TMCO1: variants seen among roughly 807,000 people sequenced by gnomAD.
The protein encoded by TMCO1 is calcium load-activated calcium channel.
A neutral mutation model predicts 29.3 loss-of-function variants in TMCO1; 29 were observed. The ratio of observed to expected loss-of-function variants is 0.99; its 90% CI spans 0.74 to 1.35. The LOEUF is 1.35. Ranked by LOEUF, TMCO1 falls within the 40% of genes most tolerant of loss-of-function variation. TMCO1 has a pLI of 0.00. For synonymous variants in TMCO1, 80 were observed against 77.1 expected (o/e 1.04, Z -0.20); for missense variants, 173 against 225.5 (o/e 0.77, Z 1.49).
At chr1:165,726,040 GAT>G (rs1419489419), downstream of TMCO1, 7 of 689,146 alleles carry the variant, frequency 1.0e-5, no homozygotes, top group Middle Eastern at 7.4e-4. Context: ...GGGTATGAGT[GAT>G]AGAGTGTGCT....
At chr1:165,748,829 T>G (rs1487378458) in intron 5 of TMCO1, among the ~76,000 whole-genome samples, 1 of 152,216 alleles carries the variant, frequency 6.6e-6, no homozygotes, top group Non-Finnish European at 1.5e-5. Context: ...TAAAGAATCC[T>G]CTGTGCTCTG....
intron 1 of TMCO1, chr1:165,768,473 G>A: frequency 6.5e-7 from 1 of 1,540,974 alleles, no homozygotes; most frequent in East Asian, 2.4e-5. Flanking sequence ...ATACCCAAGT[G>A]AAATCTACCT....
At chr1:165,745,614 T>C (rs1436226284) in intron 5 of TMCO1, among the ~76,000 whole-genome samples, 1 of 151,866 alleles carries the variant, frequency 6.6e-6, no homozygotes, top group Admixed American at 6.6e-5. Flanking sequence ...ACCACTGCAC[T>C]CCAGCCTGGG....
chr1:165,763,544 A>G (rs1416875834), intron 2 of TMCO1, among the ~76,000 whole-genome samples: 12 of 152,208 alleles, frequency 7.9e-5, no homozygotes, highest in East Asian at 3.8e-4. Flanking sequence ...CCTCATACTT[A>G]CCTTCAAAGG....
chr1:165,728,512 TC>T (rs1482894114), intron 6 of TMCO1, among the ~76,000 whole-genome samples: 1 of 152,042 alleles, frequency 6.6e-6, no homozygotes, highest in African/African-American at 2.4e-5. Flanking sequence ...CACCTCGGCC[TC>T]CCAAAGTGCT....
chr1:165,736,591 G>T (rs1161794831), intron 6 of TMCO1, among the ~76,000 whole-genome samples: 2 of 152,100 alleles, frequency 1.3e-5, no homozygotes, highest in South Asian at 4.2e-4. Context: ...CATGGTAGCG[G>T]GTGCCTGTAA....
chr1:165,726,050 G>A (rs2101780364), downstream of TMCO1: 2 of 690,808 alleles, frequency 2.9e-6, no homozygotes, highest in East Asian at 5.4e-5. Flanking sequence ...GATAGAGTGT[G>A]CTATATATTC....
At chr1:165,728,617 C>T (rs1232435415) in intron 6 of TMCO1, among the ~76,000 whole-genome samples, 1 of 152,044 alleles carries the variant, frequency 6.6e-6, no homozygotes, top group South Asian at 2.1e-4. Flanking sequence ...CAGTAAAAGC[C>T]TTCCTTACCT....
intron 3 of TMCO1, 70 bp from the exon 4 acceptor site, chr1:165,754,344 A>G (rs1652113361): frequency 1.6e-6 from 2 of 1,258,254 alleles, no homozygotes; most frequent in South Asian, 2.4e-5. Context: ...ATAAACTGTC[A>G]CTGATTGGTG....
At chr1:165,738,443 A>G (rs1187801711) in intron 6 of TMCO1, among the ~76,000 whole-genome samples, 2 of 152,226 alleles carry the variant, frequency 1.3e-5, no homozygotes, top group Non-Finnish European at 2.9e-5. Context: ...CATAGAGTCA[A>G]TTCTTATGTA....
rs551954100 is a variant in TMCO1 at position 165,728,165 on chromosome 1, T to C, written c.469-44A>G. ...AAGGATTGGGTTTTAATATCAAATA[T>C]ACAGAAGATGTGTTTTATGTAGCTC... On this transcript the variant is annotated intron_variant, in intron 6 of 6. Transcript: ENST00000367881. The C allele has an allele frequency of 8.1e-6, 12 of 1,489,762 alleles. No homozygotes were observed. In the Admixed American group the frequency reaches 1.7e-4, roughly 21 times the overall value. 92.3% of individuals were successfully genotyped at this position (1,489,762 alleles called of 1,614,324 possible).
chr1:165,727,984 T>A lies in TMCO1; in HGVS notation c.*39A>T, dbSNP rs757302422. ...AACAGTTGCCAGTCTGATGTGTGTGTGTCTAGAAAGAATGATAGAAAATAA... is the reference window on the plus strand; with the variant it reads ...AACAGTTGCCAGTCTGATGTGTGTGAGTCTAGAAAGAATGATAGAAAATAA... On this transcript the variant is annotated 3_prime_UTR_variant, in exon 7 of 7. Coordinates refer to ENST00000367881, the MANE Select transcript of TMCO1 (RefSeq NM_019026.6). 1.4e-6 allele frequency: 2 copies of A among 1,477,366 alleles called. No individual in the cohort carries two copies. Among genetic ancestry groups the A allele is most frequent in the East Asian group, 4.8e-5 (2 of 41,544 alleles). 91.5% of individuals were successfully genotyped at this position (1,477,366 alleles called of 1,614,324 possible). A position where few individuals can be genotyped will look rare whatever the true frequency, so the allele number is the denominator to read the frequency against.
At chr1:165,763,261 A>G (rs1445843908) in intron 2 of TMCO1, among the ~76,000 whole-genome samples, 2 of 152,234 alleles carry the variant, frequency 1.3e-5, no homozygotes, top group Admixed American at 1.3e-4. Flanking sequence ...ATTTGTTCAA[A>G]GAGGAAATTT....
intron 2 of TMCO1, among the ~76,000 whole-genome samples, chr1:165,765,338 C>G (rs1652530567): frequency 6.6e-6 from 1 of 152,136 alleles, no homozygotes; most frequent in African/African-American, 2.4e-5. Flanking sequence ...AGCTGGAGTG[C>G]AGTGATGCAA....
At chr1:165,732,192 T>C (rs1235035755) in intron 6 of TMCO1, among the ~76,000 whole-genome samples, 1 of 152,076 alleles carries the variant, frequency 6.6e-6, no homozygotes. Flanking sequence ...TTCTACACAC[T>C]TTAAAGTTTG....
At position 165,757,082 on chromosome 1, in the gene TMCO1, G is replaced by A. The variant is rs867201059; in HGVS notation, c.208+2443C>T. Among the ~76,000 whole-genome samples the A allele has an allele frequency of 1.9e-4, 29 of 152,240 alleles. No individual in the cohort carries two copies. In the Middle Eastern group the frequency reaches 0.02, roughly 107 times the overall value. ...CCGATTCAAAGGAAAACAAAAATCA[G>A]TTCGAGCACAGTGTCCGTAAGATAA... On this transcript the variant is annotated intron_variant, in intron 3 of 6. Coordinates refer to ENST00000367881, the MANE Select transcript of TMCO1 (RefSeq NM_019026.6).
chr1:165,729,827 T>C (rs1651071068), intron 6 of TMCO1, among the ~76,000 whole-genome samples: 1 of 152,168 alleles, frequency 6.6e-6, no homozygotes, highest in Non-Finnish European at 1.5e-5. Context: ...CACAGTAGTT[T>C]CTGTGTTAAA....
chr1:165,736,081 G>A (rs1001089162), intron 6 of TMCO1, among the ~76,000 whole-genome samples: 6 of 152,282 alleles, frequency 3.9e-5, no homozygotes, highest in African/African-American at 7.2e-5. Context: ...AAAAGGTCCC[G>A]AAGAGCTGCC....
chr1:165,765,576 C>G (rs1174370292), intron 2 of TMCO1, among the ~76,000 whole-genome samples: 1 of 152,224 alleles, frequency 6.6e-6, no homozygotes, highest in Non-Finnish European at 1.5e-5. Context: ...GCCACCGCGC[C>G]CTGCCTTGCA....
Sources: gnomAD v4.1 joint callset for allele counts (sites outside exome capture counted in the v4.1 genomes callset) on GRCh38, gnomAD v4.1.1 for gene constraint, MANE v1.5 for transcripts, NCBI Gene and HGNC (gene_info 2026-07-23, HGNC 2026-07-21) for gene names.